Variants in ATP2C1 observed in about 807,000 individuals in gnomAD.
ATP2C1 encodes ATPase secretory pathway Ca2+ transporting 1.
ATP2C1 carries 31 observed loss-of-function variants against 120.5 expected under a neutral mutation model. The ratio of observed to expected loss-of-function variants is 0.26; its 90% CI spans 0.19 to 0.35. The LOEUF is 0.35. ATP2C1 is among the 10% of genes least tolerant of loss of function. The probability of loss-of-function intolerance (pLI) is 1.00; values close to 1 mark genes in which losing one functional copy is unlikely to be tolerated. For missense variants in ATP2C1, 731 were observed against 1,107.5 expected, an observed-to-expected ratio of 0.66 and a Z score of 4.83; for synonymous variants, 351 against 358.7, an observed-to-expected ratio of 0.98 and a Z score of 0.24.
At chr3:130,893,850 G>C, upstream of ATP2C1, 1 of 884,878 alleles carries the variant, frequency 1.1e-6, no homozygotes, top group Non-Finnish European at 1.4e-6. Flanking sequence ...CACCAACCCC[G>C]AGCGACCTCC....
intron 16 of ATP2C1, among the ~76,000 whole-genome samples, chr3:130,968,082 G>A (rs2061134841): frequency 6.6e-6 from 1 of 152,148 alleles, no homozygotes; most frequent in African/African-American, 2.4e-5. Flanking sequence ...GCTTCTAAAT[G>A]AGGTTGCTTG....
chr3:130,850,989 G>A lies in ATP2C1; in HGVS notation c.108+61G>A, dbSNP rs577159176. 3.2e-5 allele frequency: 29 copies of A among 917,620 alleles called. No individual in the cohort carries two copies. In the South Asian group the frequency reaches 4.1e-4, roughly 13 times the overall value. 56.8% of individuals were successfully genotyped at this position (917,620 alleles called of 1,614,324 possible). On this transcript the variant is annotated intron_variant, in intron 1 of 26. Transcript: ENST00000504381. ...GGTGCTTGTTCCTTGTTGCTTTTAC[G>A]TCGCTTAGTGATTTCATTTGTGCTG...
At chr3:130,942,139 A>G (rs2296024) in intron 8 of ATP2C1, among the ~76,000 whole-genome samples, 16,512 of 152,302 alleles carry the variant, frequency 0.11, 1,029 homozygotes, top group East Asian at 0.18. Flanking sequence ...TGGCTTTGGC[A>G]GTGATAATTG....
downstream of ATP2C1, among the ~76,000 whole-genome samples, chr3:131,006,407 T>C (rs1224464890): frequency 1.3e-5 from 2 of 152,128 alleles, no homozygotes; most frequent in Non-Finnish European, 1.5e-5. Context: ...CCACCACGGT[T>C]GGCCTGTTTA....
chr3:130,851,032 T>C (rs1305640140), intron 1 of ATP2C1: 1 of 574,284 alleles, frequency 1.7e-6, no homozygotes, highest in Non-Finnish European at 2.7e-6. Context: ...TGTTTATAGG[T>C]ACAGGTCAGA....
chr3:130,935,414 C>T (rs2059622724), intron 5 of ATP2C1, among the ~76,000 whole-genome samples: 1 of 152,182 alleles, frequency 6.6e-6, no homozygotes, highest in Non-Finnish European at 1.5e-5. Context: ...CTAGGTTATT[C>T]TAGCTTTCAT....
At chr3:130,871,836 T>C (rs1372074246) in intron 1 of ATP2C1, among the ~76,000 whole-genome samples, 1 of 151,994 alleles carries the variant, frequency 6.6e-6, no homozygotes, top group East Asian at 1.9e-4. Context: ...GCCTGGCCAA[T>C]GTGGTGAAAC....
At chr3:130,895,710 A>G (rs1325168361) in intron 2 of ATP2C1, among the ~76,000 whole-genome samples, 1 of 152,172 alleles carries the variant, frequency 6.6e-6, no homozygotes. Flanking sequence ...GCTGCTTCTA[A>G]TTTGTTTTTC....
chr3:130,875,807 G>A (rs531577870), intron 1 of ATP2C1, among the ~76,000 whole-genome samples: 18 of 151,192 alleles, frequency 1.2e-4, no homozygotes, highest in Non-Finnish European at 2.2e-4. Context: ...TTTGACAATA[G>A]TCATTCTAAC....
chr3:130,937,273 A>G (rs893347348), intron 5 of ATP2C1, among the ~76,000 whole-genome samples, 155 bp from the exon 6 acceptor site: 2 of 152,216 alleles, frequency 1.3e-5, no homozygotes, highest in African/African-American at 4.8e-5. Flanking sequence ...TTCTTTCCCC[A>G]CAGGCCTTAA....
intron 2 of ATP2C1, among the ~76,000 whole-genome samples, chr3:130,911,249 G>A (rs2058394590): frequency 6.9e-6 from 1 of 144,702 alleles, no homozygotes; most frequent in Non-Finnish European, 1.5e-5. Flanking sequence ...GGTGTTTGTA[G>A]TATTCTCTGA....
At chr3:130,966,895 T>C (rs749599301) in intron 14 of ATP2C1, among the ~76,000 whole-genome samples, 1 of 152,204 alleles carries the variant, frequency 6.6e-6, no homozygotes, top group Non-Finnish European at 1.5e-5. Flanking sequence ...GCTTATTCTT[T>C]TAACAGTATA....
At chr3:131,015,766 A>G (rs1358147218) in intron 26 of ATP2C1, among the ~76,000 whole-genome samples, 1 of 152,198 alleles carries the variant, frequency 6.6e-6, no homozygotes, top group Non-Finnish European at 1.5e-5. Context: ...GAGGGTAGAC[A>G]GTGTGTCTCA....
At chr3:130,992,022 A>G (rs1387529435) in intron 20 of ATP2C1, among the ~76,000 whole-genome samples, 3 of 152,228 alleles carry the variant, frequency 2.0e-5, no homozygotes, top group African/African-American at 7.2e-5. Context: ...ACTTGTAAAT[A>G]TTGTTGGAGA....
chr3:130,934,528 G>A lies in ATP2C1; in HGVS notation c.235-94G>A, dbSNP rs142250638. The A allele has an allele frequency of 8.6e-6, 7 of 812,882 alleles. No homozygotes were observed. In the African/African-American group the frequency reaches 1.2e-4, roughly 14 times the overall value. The allele number at this position is 812,882 out of a possible 1,614,324, so 50.4% of individuals were successfully genotyped here. Reference sequence around the variant, plus strand: ...GAGTATAGACTTTTGTAATTTTCCAGTCATGCTCTTATGGTTTTTTTTTTT... The same window carrying A: ...GAGTATAGACTTTTGTAATTTTCCAATCATGCTCTTATGGTTTTTTTTTTT... On this transcript the variant is annotated intron_variant, in intron 4 of 27. Coordinates refer to ENST00000510168, the MANE Select transcript of ATP2C1 (RefSeq NM_001378687.1).
chr3:130,866,921 C>T (rs2068196546), intron 1 of ATP2C1, among the ~76,000 whole-genome samples: 1 of 152,168 alleles, frequency 6.6e-6, no homozygotes, highest in Non-Finnish European at 1.5e-5. Context: ...TTCATTGGCA[C>T]TATTTTTCCA....
chr3:130,998,885 G>A (rs1297449832), intron 26 of ATP2C1, among the ~76,000 whole-genome samples: 1 of 152,058 alleles, frequency 6.6e-6, no homozygotes, highest in African/African-American at 2.4e-5. Context: ...CTTGGTCTAA[G>A]TGTTTTGATA....
intron 2 of ATP2C1, among the ~76,000 whole-genome samples, chr3:130,895,099 A>C (rs2107910546): frequency 6.6e-6 from 1 of 152,184 alleles, no homozygotes; most frequent in East Asian, 1.9e-4. Flanking sequence ...GAAAGGAATT[A>C]CTCGAGGGGA....
chr3:130,956,647 T>C (rs2060594720), intron 11 of ATP2C1, among the ~76,000 whole-genome samples: 1 of 152,020 alleles, frequency 6.6e-6, no homozygotes, highest in Admixed American at 6.6e-5. Flanking sequence ...TGTCTTCTGG[T>C]AAATACCTCT....
Sources: gnomAD v4.1 joint callset for allele counts (sites outside exome capture counted in the v4.1 genomes callset) on GRCh38, gnomAD v4.1.1 for gene constraint, MANE v1.5 for transcripts, NCBI Gene and HGNC (gene_info 2026-07-23, HGNC 2026-07-21) for gene names.